SEMA3E: variants seen among roughly 807,000 people sequenced by gnomAD.
SEMA3E encodes the protein semaphorin-3E.
A neutral mutation model predicts 93.6 loss-of-function variants in SEMA3E; 49 were observed. The ratio of observed to expected loss-of-function variants is 0.52; its 90% CI spans 0.42 to 0.66. SEMA3E has a LOEUF of 0.66. SEMA3E is among the 30% of genes least tolerant of loss of function. SEMA3E has a pLI of 0.00. For missense variants in SEMA3E, 906 were observed against 964.8 expected, an observed-to-expected ratio of 0.94 and a Z score of 0.81; for synonymous variants, 363 against 330.7, an observed-to-expected ratio of 1.10 and a Z score of -1.06.
At chr7:83,617,376 G>A (rs1793391575) in intron 1 of SEMA3E, among the ~76,000 whole-genome samples, 1 of 146,952 alleles carries the variant, frequency 6.8e-6, no homozygotes, top group Admixed American at 6.9e-5. Context: ...GAGTATGAAA[G>A]GTTTCCATTT....
At chr7:83,577,892 G>A (rs1792440737) in intron 1 of SEMA3E, among the ~76,000 whole-genome samples, 1 of 151,542 alleles carries the variant, frequency 6.6e-6, no homozygotes, top group African/African-American at 2.4e-5. Flanking sequence ...TTTAACAATA[G>A]CAAAAATGTC....
At chr7:83,573,044 C>G (rs1453068218) in intron 1 of SEMA3E, among the ~76,000 whole-genome samples, 1 of 152,110 alleles carries the variant, frequency 6.6e-6, no homozygotes, top group Non-Finnish European at 1.5e-5. Flanking sequence ...GAGACTGAAT[C>G]AAACTAAAGA....
intron 11 of SEMA3E, among the ~76,000 whole-genome samples, chr7:83,398,988 A>G (rs961410201): frequency 3.3e-5 from 5 of 152,124 alleles, no homozygotes; most frequent in African/African-American, 7.2e-5. Context: ...GCCACAAAAA[A>G]CAAAACAAAA....
At chr7:83,485,703 A>C (rs1790236529) in intron 2 of SEMA3E, among the ~76,000 whole-genome samples, 2 of 152,152 alleles carry the variant, frequency 1.3e-5, no homozygotes, top group East Asian at 3.9e-4. Context: ...AATAATTTTT[A>C]AAAATGAAAA....
intron 16 of SEMA3E, among the ~76,000 whole-genome samples, chr7:83,377,433 C>G (rs1787669458): frequency 1.3e-5 from 2 of 151,918 alleles, no homozygotes; most frequent in Non-Finnish European, 2.9e-5. Flanking sequence ...TCTGTTGTAG[C>G]TACTCGACTT....
intron 4 of SEMA3E, among the ~76,000 whole-genome samples, chr7:83,432,638 A>T (rs1339132585): frequency 6.6e-6 from 1 of 152,202 alleles, no homozygotes; most frequent in East Asian, 1.9e-4. Context: ...TGACATAGGT[A>T]TCGAAAGTTA....
At chr7:83,489,159 A>G (rs1296183134) in intron 2 of SEMA3E, among the ~76,000 whole-genome samples, 2 of 152,068 alleles carry the variant, frequency 1.3e-5, no homozygotes, top group Non-Finnish European at 2.9e-5. Flanking sequence ...TTGCTGATGA[A>G]GTATGGTACA....
chr7:83,370,382 G>C (rs180947620), intron 16 of SEMA3E, among the ~76,000 whole-genome samples: 1 of 151,930 alleles, frequency 6.6e-6, no homozygotes, highest in Non-Finnish European at 1.5e-5. Flanking sequence ...ATTGTTGATC[G>C]TTTATACTTC....
At position 83,454,257 on chromosome 7, in the gene SEMA3E, C is replaced by CAAAAAAA. The variant is rs1157801830; in HGVS notation, c.456+12218_456+12224dup. On this transcript the variant is annotated intron_variant, in intron 4 of 16. Coordinates refer to ENST00000643230, the MANE Select transcript of SEMA3E (RefSeq NM_012431.3). ...TGGGCGACAGAGCAAGACTCCGACTCAAAAAAAAAAAAAAAATATATATAT... is the reference window on the plus strand; with the variant it reads ...TGGGCGACAGAGCAAGACTCCGACTCAAAAAAAAAAAAAAAAAAAAAAATATATATAT... 1.0e-3 allele frequency among the ~76,000 whole-genome samples: 45 copies of CAAAAAAA among 44,920 alleles called. 1 individual carries two copies. Among genetic ancestry groups the CAAAAAAA allele is most frequent in the African/African-American group, 3.5e-3 (43 of 12,434 alleles). The allele number at this position is 44,920 out of a possible 152,430, so 29.5% of individuals were successfully genotyped here. A position where few individuals can be genotyped will look rare whatever the true frequency, so the allele number is the denominator to read the frequency against.
chr7:83,465,211 C>A (rs978825486), intron 4 of SEMA3E, among the ~76,000 whole-genome samples: 4 of 152,082 alleles, frequency 2.6e-5, no homozygotes, highest in Non-Finnish European at 4.4e-5. Flanking sequence ...GAGAACAAAC[C>A]CCCTTTGACT....
chr7:83,617,988 G>A (rs1162183640), intron 1 of SEMA3E, among the ~76,000 whole-genome samples: 1 of 151,938 alleles, frequency 6.6e-6, no homozygotes, highest in Non-Finnish European at 1.5e-5. Flanking sequence ...AGTCCATAAG[G>A]AAGATAACAA....
At position 83,502,041 on chromosome 7, in the gene SEMA3E, G is replaced by T. The variant is rs529620742; in HGVS notation, c.116-11767C>A. Among the ~76,000 whole-genome samples, 440 of 152,178 alleles carry T rather than the reference G, an allele frequency of 2.9e-3. 2 individuals carry two copies. Among genetic ancestry groups the T allele is most frequent in the Non-Finnish European group, 4.9e-3 (331 of 68,010 alleles). Reference sequence around the variant, plus strand: ...CTGAAATTTAGCAAATTAACAATATGGTCTTGATTACCAGAGACAAACCAA... The same window carrying T: ...CTGAAATTTAGCAAATTAACAATATTGTCTTGATTACCAGAGACAAACCAA... On this transcript the variant is annotated intron_variant, in intron 1 of 16. Coordinates refer to ENST00000643230, the MANE Select transcript of SEMA3E (RefSeq NM_012431.3).
chr7:83,401,111 A>C (rs1334312636), intron 10 of SEMA3E, among the ~76,000 whole-genome samples: 1 of 152,174 alleles, frequency 6.6e-6, no homozygotes, highest in Non-Finnish European at 1.5e-5. Flanking sequence ...GACAAAATAA[A>C]CTGGGAAAAC....
At chr7:83,520,607 AAAAC>A (rs201889128) in intron 1 of SEMA3E, among the ~76,000 whole-genome samples, 3,335 of 152,220 alleles carry the variant, frequency 0.022, 58 homozygotes, top group South Asian at 0.083. Flanking sequence ...AACTGCCTAA[AAAAC>A]AAAACCCACC....
intron 16 of SEMA3E, among the ~76,000 whole-genome samples, chr7:83,383,886 C>G (rs1011997038): frequency 5.3e-5 from 8 of 151,926 alleles, no homozygotes; most frequent in Admixed American, 4.6e-4. Context: ...ATTATCAGGT[C>G]CTTTTCTGCC....
In SEMA3E at chr7:83,402,796, T is replaced by C. The variant is rs759405061; in HGVS notation, c.999-20A>G. On this transcript the variant is annotated intron_variant, in intron 9 of 16. Coordinates refer to ENST00000643230, the MANE Select transcript of SEMA3E (RefSeq NM_012431.3). ...ATATTACTGAAAAATACAAAAAAGATAATTATTCTTCTGGAACTAACTGCA... is the reference window on the plus strand; with the variant it reads ...ATATTACTGAAAAATACAAAAAAGACAATTATTCTTCTGGAACTAACTGCA... 1.9e-6 allele frequency: 3 copies of C among 1,605,766 alleles called. No individual in the cohort carries two copies. Among genetic ancestry groups the C allele is most frequent in the South Asian group, 2.2e-5 (2 of 90,448 alleles).
intron 1 of SEMA3E, among the ~76,000 whole-genome samples, chr7:83,596,279 T>G (rs1375274183): frequency 6.6e-6 from 1 of 152,036 alleles, no homozygotes; most frequent in Non-Finnish European, 1.5e-5. Flanking sequence ...TCCTTCTTTT[T>G]GAGCACATTA....
rs1209312627 is a variant in SEMA3E, at chr7:83,421,501, TTAGA to T, written c.457-3022_457-3019del. The stretch of plus-strand genomic sequence containing the variant: ...AAGTGGTGTGGGTAAAAAAAGTAGT[TTAGA>T]AAAGTGACAATAAAAATCAATATTG... On this transcript the variant is annotated intron_variant, in intron 4 of 16. Coordinates refer to ENST00000643230, the MANE Select transcript of SEMA3E (RefSeq NM_012431.3). 3.3e-5 allele frequency among the ~76,000 whole-genome samples: 3 copies of T among 90,462 alleles called. 1 individual carries two copies. The highest frequency in any genetic ancestry group is 8.6e-5 in the Non-Finnish European group (3 of 34,696). 59.3% of individuals were successfully genotyped at this position (90,462 alleles called of 152,430 possible).
chr7:83,572,341 G>A (rs888142558), intron 1 of SEMA3E, among the ~76,000 whole-genome samples: 1 of 152,138 alleles, frequency 6.6e-6, no homozygotes, highest in African/African-American at 2.4e-5. Context: ...TAAGGCTACA[G>A]TAACCAAAAC....
Sources: gnomAD v4.1 joint callset for allele counts (sites outside exome capture counted in the v4.1 genomes callset) on GRCh38, gnomAD v4.1.1 for gene constraint, MANE v1.5 for transcripts, NCBI Gene and HGNC (gene_info 2026-07-23, HGNC 2026-07-21) for gene names.